SNTG2: variants seen among roughly 807,000 people sequenced by gnomAD.
The protein encoded by SNTG2 is syntrophin gamma 2, also known as gamma-2-syntrophin.
SNTG2 carries 74 observed loss-of-function variants against 70.9 expected under a neutral mutation model. That is an observed-to-expected ratio of 1.04 (90% CI 0.86 to 1.27). SNTG2 has a LOEUF of 1.27. Among genes scored for constraint, SNTG2 ranks in the 50% most tolerant of loss-of-function variants. SNTG2 has a pLI of 0.00. For synonymous variants in SNTG2, 278 were observed against 273.8 expected (o/e 1.02, Z -0.15); for missense variants, 717 against 690.7 (o/e 1.04, Z -0.43).
intron 6 of SNTG2, chr2:1,160,819 GGCACCTTGCTC>G (rs1670222521): frequency 6.6e-6 from 1 of 152,268 alleles, no homozygotes; most frequent in African/African-American, 2.4e-5. Context: ...GGAAGGATCT[GGCACCTTGCTC>G]GCACCTGATC....
intron 14 of SNTG2, among the ~76,000 whole-genome samples, chr2:1,272,197 C>T (rs1257615328): frequency 6.6e-6 from 1 of 151,604 alleles, no homozygotes; most frequent in Non-Finnish European, 1.5e-5. Context: ...AATGCAGAAT[C>T]AGTGAGGTCC....
At chr2:1,120,898 CA>C (rs536250810) in intron 4 of SNTG2, among the ~76,000 whole-genome samples, 2 of 151,696 alleles carry the variant, frequency 1.3e-5, no homozygotes, top group South Asian at 4.2e-4. Flanking sequence ...CACTTTGGGC[CA>C]AAAAGACTTA....
At chr2:1,141,901 C>A (rs551459539) in intron 6 of SNTG2, among the ~76,000 whole-genome samples, 5 of 152,268 alleles carry the variant, frequency 3.3e-5, no homozygotes, top group Non-Finnish European at 7.4e-5. Flanking sequence ...GTGACAGGGG[C>A]CATGGCAGGC....
chr2:1,229,009 T>A (rs908115976), intron 9 of SNTG2, among the ~76,000 whole-genome samples: 4 of 152,016 alleles, frequency 2.6e-5, no homozygotes, highest in Non-Finnish European at 5.9e-5. Flanking sequence ...TCTCTCTGGC[T>A]TCAGGAGTGA....
intron 6 of SNTG2, chr2:1,163,476 C>T (rs1188183282): frequency 6.9e-6 from 1 of 145,800 alleles, no homozygotes; most frequent in African/African-American, 2.8e-5. Context: ...TGTGAGGCCT[C>T]CCAACAGGAA....
At chr2:1,304,154 A>G (rs938138769) in intron 14 of SNTG2, among the ~76,000 whole-genome samples, 2 of 152,236 alleles carry the variant, frequency 1.3e-5, no homozygotes, top group Non-Finnish European at 2.9e-5. Context: ...AAAATAAACT[A>G]CAGACCAATA....
At chr2:1,064,042 A>AT (rs1246373991) in intron 1 of SNTG2, among the ~76,000 whole-genome samples, 1 of 152,246 alleles carries the variant, frequency 6.6e-6, no homozygotes, top group African/African-American at 2.4e-5. Context: ...AAAACAGAAG[A>AT]TTAAAAAGAT....
intron 1 of SNTG2, among the ~76,000 whole-genome samples, chr2:1,040,049 G>C (rs1661344904): frequency 6.6e-6 from 1 of 152,174 alleles, no homozygotes; most frequent in African/African-American, 2.4e-5. Context: ...GATCTGCTTT[G>C]CAGGATTGGC....
chr2:975,712 G>T (rs553082250), intron 1 of SNTG2, among the ~76,000 whole-genome samples: 1 of 152,336 alleles, frequency 6.6e-6, no homozygotes, highest in East Asian at 1.9e-4. Flanking sequence ...AATTAATTGT[G>T]TGTTCATCCT....
intron 8 of SNTG2, 137 bp downstream of exon 8, chr2:1,173,320 A>T: frequency 1.2e-6 from 1 of 830,036 alleles, no homozygotes; most frequent in East Asian, 2.6e-5. Context: ...AATACTTAGA[A>T]CACAGATTGA....
chr2:1,010,859 C>A (rs1057510799), intron 1 of SNTG2, among the ~76,000 whole-genome samples: 3 of 152,176 alleles, frequency 2.0e-5, no homozygotes, highest in Non-Finnish European at 4.4e-5. Context: ...GCACTTCAAG[C>A]TAGAATGCAG....
chr2:1,306,178 T>C (rs1205292146), intron 14 of SNTG2, among the ~76,000 whole-genome samples: 1 of 152,164 alleles, frequency 6.6e-6, no homozygotes, highest in African/African-American at 2.4e-5. Context: ...CAGCCACCAC[T>C]CATTGTGATC....
intron 1 of SNTG2, among the ~76,000 whole-genome samples, chr2:1,074,713 C>T (rs1199456133): frequency 6.6e-6 from 1 of 152,096 alleles, no homozygotes; most frequent in Non-Finnish European, 1.5e-5. Flanking sequence ...GAAATGTTTG[C>T]CTAGGAGTAA....
At chr2:1,096,522 C>T (rs1213753955) in intron 2 of SNTG2, among the ~76,000 whole-genome samples, 1 of 152,142 alleles carries the variant, frequency 6.6e-6, no homozygotes, top group African/African-American at 2.4e-5. Flanking sequence ...CGGTTCTACC[C>T]TCTGCTTCTG....
chr2:989,192 T>C (rs933906367), intron 1 of SNTG2, among the ~76,000 whole-genome samples: 4 of 152,250 alleles, frequency 2.6e-5, no homozygotes, highest in African/African-American at 9.6e-5. Context: ...GTGTTACTTC[T>C]TTCTCCCTAA....
chr2:1,237,800 G>A (rs1209474395), intron 9 of SNTG2, 88 bp from the exon 10 acceptor site: 11 of 1,495,914 alleles, frequency 7.4e-6, no homozygotes, highest in Admixed American at 2.0e-5. Flanking sequence ...CCAGGGTAGA[G>A]CCCTGCTGAG....
intron 16 of SNTG2, chr2:1,341,695 T>A (rs1294115509): frequency 6.6e-6 from 1 of 152,220 alleles, no homozygotes. Flanking sequence ...CCAGTGAGTT[T>A]CTTCCTGCAC....
chr2:1,243,549 AC>A (rs577053012), intron 11 of SNTG2, among the ~76,000 whole-genome samples: 46 of 152,234 alleles, frequency 3.0e-4, no homozygotes, highest in Non-Finnish European at 6.5e-4. Context: ...CATACTTTCA[AC>A]TTTCTACTCG....
In SNTG2 at chr2:1,327,831, C is replaced by T. The variant is rs1444733973; in HGVS notation, c.1488+11456C>T. Among the ~76,000 whole-genome samples, 3 of 152,168 alleles carry T rather than the reference C, an allele frequency of 2.0e-5. No individual in the cohort carries two copies. In the East Asian group the frequency reaches 5.8e-4, roughly 29 times the overall value. On this transcript the variant is annotated intron_variant, in intron 16 of 16. Transcript: ENST00000308624. The stretch of plus-strand genomic sequence containing the variant: ...ATTTGGGTTTACTTATTTATGAACA[C>T]TCACTTATCTTTAAGTTAGTTTAGT...
Sources: gnomAD v4.1 joint callset for allele counts (sites outside exome capture counted in the v4.1 genomes callset) on GRCh38, gnomAD v4.1.1 for gene constraint, MANE v1.5 for transcripts, NCBI Gene and HGNC (gene_info 2026-07-23, HGNC 2026-07-21) for gene names.